GRIA1: variants seen among roughly 807,000 people sequenced by gnomAD.
The protein encoded by GRIA1 is glutamate receptor 1.
GRIA1 carries 31 observed loss-of-function variants against 99.2 expected under a neutral mutation model. That is an observed-to-expected ratio of 0.31 (90% CI 0.23 to 0.42). GRIA1 has a LOEUF of 0.42. GRIA1 is among the 10% of genes least tolerant of loss of function. GRIA1 has a pLI of 1.00. For missense variants in GRIA1, 782 were observed against 1,157.5 expected (o/e 0.68, Z 4.71); for synonymous variants, 438 against 432.4 (o/e 1.01, Z -0.16).
At chr5:153,533,968 T>C (rs925909193) in intron 2 of GRIA1, among the ~76,000 whole-genome samples, 2 of 152,226 alleles carry the variant, frequency 1.3e-5, no homozygotes, top group South Asian at 2.1e-4. Context: ...GGAATTGAAA[T>C]CTGTCAAACT....
chr5:153,691,407 T>C (rs764499751), intron 8 of GRIA1, among the ~76,000 whole-genome samples: 2 of 152,208 alleles, frequency 1.3e-5, no homozygotes, highest in East Asian at 1.9e-4. Context: ...ATTGTTCCTA[T>C]AGCAATTTTT....
At chr5:153,502,459 G>T (rs1352015488) in intron 2 of GRIA1, among the ~76,000 whole-genome samples, 1 of 152,114 alleles carries the variant, frequency 6.6e-6, no homozygotes, top group Non-Finnish European at 1.5e-5. Flanking sequence ...CCAAAGTTAT[G>T]GGGGTGAAAA....
intron 2 of GRIA1, among the ~76,000 whole-genome samples, chr5:153,625,258 TCTACTC>T (rs1180146534): frequency 6.6e-6 from 1 of 152,214 alleles, no homozygotes; most frequent in Non-Finnish European, 1.5e-5. Flanking sequence ...AGATTTGATT[TCTACTC>T]CTACTTCTGC....
intron 2 of GRIA1, among the ~76,000 whole-genome samples, chr5:153,606,738 C>T (rs979222705): frequency 6.6e-6 from 1 of 151,584 alleles, no homozygotes; most frequent in Non-Finnish European, 1.5e-5. Context: ...TTTTATGTCT[C>T]GTGACCTTGC....
intron 2 of GRIA1, among the ~76,000 whole-genome samples, chr5:153,519,835 A>G (rs1756977370): frequency 6.6e-6 from 1 of 152,200 alleles, no homozygotes; most frequent in African/African-American, 2.4e-5. Flanking sequence ...ATACATTTTG[A>G]TTACATTTTT....
intron 2 of GRIA1, among the ~76,000 whole-genome samples, chr5:153,589,033 G>A (rs902763869): frequency 3.9e-5 from 6 of 152,086 alleles, no homozygotes; most frequent in Admixed American, 3.3e-4. Context: ...TATTCTAAGT[G>A]AGGGAAAAAA....
intron 2 of GRIA1, among the ~76,000 whole-genome samples, chr5:153,565,787 C>A (rs763606897): frequency 1.2e-4 from 18 of 151,522 alleles, no homozygotes; most frequent in South Asian, 2.1e-4. Context: ...TGCTTCATCC[C>A]TTTATGGTAT....
intron 2 of GRIA1, among the ~76,000 whole-genome samples, chr5:153,608,291 G>A (rs1006438726): frequency 6.6e-6 from 1 of 152,044 alleles, no homozygotes; most frequent in Non-Finnish European, 1.5e-5. Flanking sequence ...GTGTCTTGAT[G>A]TCTTTTGTCA....
chr5:153,619,885 T>C (rs1766866057), intron 2 of GRIA1, among the ~76,000 whole-genome samples: 1 of 152,202 alleles, frequency 6.6e-6, no homozygotes, highest in Non-Finnish European at 1.5e-5. Flanking sequence ...CCTTACTGTG[T>C]GACCTTGAGG....
At chr5:153,563,346 G>A (rs183194453) in intron 2 of GRIA1, among the ~76,000 whole-genome samples, 64 of 152,262 alleles carry the variant, frequency 4.2e-4, no homozygotes, top group African/African-American at 1.5e-3. Flanking sequence ...AGATAATGGA[G>A]CTTAGCCCTC....
intron 11 of GRIA1, among the ~76,000 whole-genome samples, chr5:153,754,301 C>T (rs1762680956): frequency 6.6e-6 from 1 of 152,176 alleles, no homozygotes; most frequent in Non-Finnish European, 1.5e-5. Context: ...GCAAATGAAG[C>T]ATTGGGATTA....
At chr5:153,567,146 C>G (rs1761712975) in intron 2 of GRIA1, among the ~76,000 whole-genome samples, 1 of 152,144 alleles carries the variant, frequency 6.6e-6, no homozygotes, top group African/African-American at 2.4e-5. Flanking sequence ...GTGCAGTACT[C>G]ACTTCTGCTT....
In GRIA1 at chr5:153,776,309, G is replaced by A. The variant is rs1764249911; in HGVS notation, c.2270+5894G>A. 3.3e-5 allele frequency among the ~76,000 whole-genome samples: 5 copies of A among 152,216 alleles called. No individual in the cohort carries two copies. The South Asian group carries it at 1.0e-3, about 32-fold the overall frequency. ...TAAAGCTGGGAGGTTTGGAAAAGAA[G>A]TCTGTTACGTAAGCTTTCTGGGGCT... is the stretch of plus-strand genomic sequence containing the variant. On this transcript the variant is annotated intron_variant, in intron 13 of 15. Coordinates refer to ENST00000285900, the MANE Select transcript of GRIA1 (RefSeq NM_000827.4).
At chr5:153,499,943 G>T (rs1475589919) in intron 2 of GRIA1, among the ~76,000 whole-genome samples, 6 of 152,134 alleles carry the variant, frequency 3.9e-5, no homozygotes, top group Admixed American at 2.0e-4. Context: ...TTGGGAGTTT[G>T]CCTCCTGCAC....
intron 13 of GRIA1, 60 bp from the exon 14 acceptor site, chr5:153,794,561 G>A (rs1167781490): frequency 4.3e-6 from 5 of 1,160,774 alleles, no homozygotes; most frequent in East Asian, 4.7e-5. Flanking sequence ...CTTGGGTCAC[G>A]TGACTTGCTG....
intron 13 of GRIA1, among the ~76,000 whole-genome samples, chr5:153,784,326 A>G (rs1764832216): frequency 6.6e-6 from 1 of 152,126 alleles, no homozygotes. Context: ...TGAATGAGGT[A>G]CTCAAATCAC....
intron 2 of GRIA1, among the ~76,000 whole-genome samples, chr5:153,506,969 C>CA (rs1412128482): frequency 2.6e-5 from 4 of 151,928 alleles, no homozygotes; most frequent in Non-Finnish European, 5.9e-5. Context: ...CTAAAAAATA[C>CA]AAAAAATAGC....
At chr5:153,666,100 T>C (rs1755724334) in intron 5 of GRIA1, among the ~76,000 whole-genome samples, 1 of 152,112 alleles carries the variant, frequency 6.6e-6, no homozygotes, top group Non-Finnish European at 1.5e-5. Context: ...AAAAAGTCAA[T>C]AAGAAGACCT....
At chr5:153,498,384 C>T (rs571481053) in intron 2 of GRIA1, among the ~76,000 whole-genome samples, 6 of 152,256 alleles carry the variant, frequency 3.9e-5, no homozygotes, top group African/African-American at 1.4e-4. Context: ...GTCAGAAAGA[C>T]CATGTATATC....
Sources: allele counts gnomAD v4.1 joint callset (sites outside exome capture counted in the v4.1 genomes callset), GRCh38; gene constraint gnomAD v4.1.1; transcripts MANE v1.5; gene names NCBI Gene and HGNC (gene_info 2026-07-23, HGNC 2026-07-21).